The following SCYL3 variants were observed in gnomAD, a reference collection of about 807,000 sequenced individuals.
SCYL3 encodes the protein SCY1 like pseudokinase 3.
A neutral mutation model predicts 73.8 loss-of-function variants in SCYL3; 35 were observed. The observed-to-expected ratio is 0.47, with a 90% confidence interval of 0.36 to 0.63. The LOEUF (loss-of-function observed/expected upper bound fraction) is 0.63, where lower values mean the gene tolerates loss of function less well. SCYL3 is among the 20% of genes least tolerant of loss of function. The pLI, the probability that SCYL3 is intolerant of heterozygous loss-of-function variation, is 0.00. For synonymous variants in SCYL3, 277 were observed against 295.2 expected, an observed-to-expected ratio of 0.94 and a Z score of 0.63; for missense variants, 712 against 798.9, an observed-to-expected ratio of 0.89 and a Z score of 1.31.
intron 3 of SCYL3, 85 bp downstream of exon 3, chr1:169,878,549 A>C (rs1047966508): frequency 8.4e-5 from 96 of 1,148,462 alleles, no homozygotes; most frequent in Non-Finnish European, 8.6e-6. Flanking sequence ...TATGAACACC[A>C]TAATTTATAA....
intron 11 of SCYL3, among the ~76,000 whole-genome samples, chr1:169,856,530 T>C (rs1659176580): frequency 6.6e-6 from 1 of 152,176 alleles, no homozygotes; most frequent in Non-Finnish European, 1.5e-5. Flanking sequence ...ATGTGGGGAA[T>C]AGCCTGGGGT....
intron 2 of SCYL3, among the ~76,000 whole-genome samples, chr1:169,881,417 TTTTC>T (rs1261116781): frequency 1.3e-5 from 2 of 152,208 alleles, no homozygotes; most frequent in African/African-American, 2.4e-5. Context: ...AACATTTGTC[TTTTC>T]TTTATGCTAG....
chr1:169,854,858 C>T lies in SCYL3; in HGVS notation c.1419G>A (p.Glu473=), dbSNP rs1658973318. 6.2e-7 allele frequency: 1 copy of T among 1,614,030 alleles called. No homozygotes were observed. The highest frequency in any genetic ancestry group is 8.5e-7 in the Non-Finnish European group (1 of 1,179,918). ...ENFPSSSKKS[E]EWPDWSEPEE... Reference sequence around the variant, plus strand: ...CAGGTTCACTCCAGTCAGGCCACTCCTCAGACTTTTTAGAACTTGATGGGA... The same window carrying T: ...CAGGTTCACTCCAGTCAGGCCACTCTTCAGACTTTTTAGAACTTGATGGGA... Residue 473 remains glutamate (E), a synonymous_variant, in exon 12 of 13, where the codon GAG becomes GAA. Coordinates refer to ENST00000367771, the MANE Select transcript of SCYL3 (RefSeq NM_020423.7).
At chr1:169,860,544 A>T (rs1018706425) in intron 10 of SCYL3, among the ~76,000 whole-genome samples, 1 of 152,194 alleles carries the variant, frequency 6.6e-6, no homozygotes, top group Non-Finnish European at 1.5e-5. Flanking sequence ...TGGTTTCCTC[A>T]TTTATATAGT....
chr1:169,884,443 G>A (rs1050928016), intron 2 of SCYL3, among the ~76,000 whole-genome samples: 8 of 152,034 alleles, frequency 5.3e-5, no homozygotes, highest in Middle Eastern at 3.4e-3. Context: ...GATTACAGGC[G>A]CCCACCACCA....
rs958032275 is a variant in SCYL3, at chr1:169,853,431, G to A, written c.*282C>T. On this transcript the variant is annotated 3_prime_UTR_variant, in exon 13 of 13. Coordinates refer to ENST00000367771, the MANE Select transcript of SCYL3 (RefSeq NM_020423.7). Reference sequence around the variant, plus strand: ...TTGTCCTGGAAAAAGCAGTAAATTCGACCTCTCCTCAGCTACTTGCTCTTC... The same window carrying A: ...TTGTCCTGGAAAAAGCAGTAAATTCAACCTCTCCTCAGCTACTTGCTCTTC... 9.9e-6 allele frequency: 4 copies of A among 402,298 alleles called. No homozygotes were observed. The highest frequency in any genetic ancestry group is 4.2e-5 in the African/African-American group (2 of 48,080). 24.9% of individuals were successfully genotyped at this position (402,298 alleles called of 1,614,324 possible).
intron 11 of SCYL3, among the ~76,000 whole-genome samples, chr1:169,857,136 T>G (rs1400957767): frequency 1.3e-5 from 2 of 152,194 alleles, no homozygotes; most frequent in Non-Finnish European, 2.9e-5. Context: ...TCCTGCAGTA[T>G]CTAAAAGGCA....
intron 5 of SCYL3, among the ~76,000 whole-genome samples, chr1:169,872,038 G>A (rs1165219343): frequency 6.6e-6 from 1 of 152,232 alleles, no homozygotes; most frequent in African/African-American, 2.4e-5. Flanking sequence ...AGCTGCAGAA[G>A]TTTGCATAAG....
intron 9 of SCYL3, among the ~76,000 whole-genome samples, chr1:169,863,542 A>T (rs1659816292): frequency 6.6e-6 from 1 of 152,196 alleles, no homozygotes; most frequent in Non-Finnish European, 1.5e-5. Context: ...GTTATCAGGC[A>T]GGTATGTATT....
chr1:169,862,265 A>C (rs1317443522), intron 10 of SCYL3, among the ~76,000 whole-genome samples: 1 of 152,270 alleles, frequency 6.6e-6, no homozygotes, highest in Non-Finnish European at 1.5e-5. Flanking sequence ...AAAGCCACTG[A>C]TAAGAATCAT....
Position 169,851,856 on chromosome 1 carries a change from C to T in SCYL3, c.*1857G>A, listed in dbSNP as rs1164338272. ...TGAAACTGAAGCTGCCAAAGTGGAA[C>T]GTGTGAAACAGGAAAAAGGTATTTT... On this transcript the variant is annotated 3_prime_UTR_variant, in exon 13 of 13. Transcript: ENST00000367771. 8 of 1,613,722 alleles carry T rather than the reference C, an allele frequency of 5.0e-6. No homozygotes were observed. The highest frequency in any genetic ancestry group is 5.9e-6 in the Non-Finnish European group (7 of 1,179,940).
At chr1:169,869,160 T>A in intron 6 of SCYL3, 121 bp from the exon 7 acceptor site, 3 of 732,442 alleles carry the variant, frequency 4.1e-6, no homozygotes, top group Non-Finnish European at 7.0e-6. Flanking sequence ...AAGCCCTGGC[T>A]GTTGCTAAAC....
In SCYL3 at chr1:169,870,347, A is replaced by G; in HGVS notation, c.533T>C (p.Phe178Ser). The change falls in exon 6 of 13, where the codon TTC becomes TCC. Residue 178 changes from phenylalanine (F) to serine (S), a missense_variant. This residue lies in a region of SCYL3 where 342 missense variants were observed against 448.1 expected (regional missense o/e 0.76). Transcript: ENST00000367771. ...SIPPEEMSPE[F>S]TTLPECHGHA... ...TCCATGACACTCTGGGAGAGTTGTGAATTCTGGAGACTAAAAGCAGTGAAG... is the reference window on the plus strand; with the variant it reads ...TCCATGACACTCTGGGAGAGTTGTGGATTCTGGAGACTAAAAGCAGTGAAG... 1 of 1,610,048 alleles carries G rather than the reference A, an allele frequency of 6.2e-7. No individual in the cohort carries two copies. Among genetic ancestry groups the G allele is most frequent in the South Asian group, 1.1e-5 (1 of 90,736 alleles).
chr1:169,884,759 G>A (rs1661557561), intron 2 of SCYL3, among the ~76,000 whole-genome samples: 3 of 152,194 alleles, frequency 2.0e-5, no homozygotes, highest in African/African-American at 7.2e-5. Flanking sequence ...GATGCAAAGT[G>A]AGTACTTGTT....
chr1:169,874,411 T>C (rs1289490382), intron 4 of SCYL3, among the ~76,000 whole-genome samples: 1 of 151,830 alleles, frequency 6.6e-6, no homozygotes, highest in African/African-American at 2.4e-5. Context: ...AGCACTGGGG[T>C]GACTAATTTT....
Position 169,859,190 on chromosome 1 carries a change from G to C in SCYL3, c.1163C>G (p.Thr388Ser), listed in dbSNP as rs1459039249. The C allele has an allele frequency of 3.7e-6, 6 of 1,612,262 alleles. No homozygotes were observed. Among genetic ancestry groups the C allele is most frequent in the Non-Finnish European group, 5.1e-6 (6 of 1,179,356 alleles). Residue 388 changes from threonine (T) to serine (S), a missense_variant, in exon 11 of 13, where the codon ACT becomes AGT. Physicochemically the swap from Thr to Ser is moderately conservative, Grantham distance 58 (BLOSUM62 1). Around this residue, in one of 2 missense-constraint regions of SCYL3, gnomAD observed 370 missense variants for 350.8 expected, o/e 1.05. Coordinates refer to ENST00000367771, the MANE Select transcript of SCYL3 (RefSeq NM_020423.7). ...LPQVLLGLRD[T>S]SDSIVAITLH... Reference sequence around the variant, plus strand: ...AGTAATTGCCACAATGGAATCGCTAGTATCACGCAGGCCCAGCAAAACCTA... The same window carrying C: ...AGTAATTGCCACAATGGAATCGCTACTATCACGCAGGCCCAGCAAAACCTA...
rs2102223829 is a variant in SCYL3 at position 169,892,364 on chromosome 1, C to T, written c.-51+1424G>A. Among the ~76,000 whole-genome samples, 6 of 152,288 alleles carry T rather than the reference C, an allele frequency of 3.9e-5. 1 individual carries two copies. In the South Asian group the frequency reaches 1.2e-3, roughly 32 times the overall value. ...ACCTGGAATTCCTGGGCTCAAGCTA[C>T]CTGCCCTCCCCAGCCTCCCTAGTTG... On this transcript the variant is annotated intron_variant, in intron 1 of 12. Coordinates refer to ENST00000367771, the MANE Select transcript of SCYL3 (RefSeq NM_020423.7).
chr1:169,874,732 C>T (rs12123483), intron 4 of SCYL3, among the ~76,000 whole-genome samples: 9,907 of 152,120 alleles, frequency 0.065, 423 homozygotes, highest in Non-Finnish European at 0.099. Context: ...TTGAGACCAG[C>T]CTTGGCAACA....
chr1:169,889,947 TAC>T (rs1225803623), intron 1 of SCYL3, among the ~76,000 whole-genome samples: 4 of 152,352 alleles, frequency 2.6e-5, no homozygotes, highest in African/African-American at 4.8e-5. Flanking sequence ...GGTAATTTTA[TAC>T]ACACACACTT....
Sources: gnomAD v4.1 joint callset for allele counts (sites outside exome capture counted in the v4.1 genomes callset) on GRCh38, gnomAD v4.1.1 for gene constraint, gnomAD v4.1.1 regional missense constraint, MANE v1.5 for transcripts, NCBI Gene and HGNC (gene_info 2026-07-23, HGNC 2026-07-21) for gene names.